NELL2: variants seen among roughly 807,000 people sequenced by gnomAD.
NELL2 encodes the protein protein kinase C-binding protein NELL2.
Under a neutral mutation model 109.6 loss-of-function variants are expected in NELL2, and 41 were observed. The ratio of observed to expected loss-of-function variants is 0.37; its 90% CI spans 0.29 to 0.49. NELL2 has a LOEUF of 0.49. NELL2 is among the 20% of genes least tolerant of loss of function. NELL2 has a pLI of 0.98. For missense variants in NELL2, 900 were observed against 1,008.3 expected (o/e 0.89, Z 1.45); for synonymous variants, 355 against 344.7 (o/e 1.03, Z -0.33).
chr12:44,655,720 T>G (rs1350821922), intron 13 of NELL2, among the ~76,000 whole-genome samples: 1 of 152,212 alleles, frequency 6.6e-6, no homozygotes, highest in African/African-American at 2.4e-5. Flanking sequence ...TTTTCATCAT[T>G]AATTCTTTGA....
At chr12:44,904,061 T>A (rs913883855) in intron 1 of NELL2, among the ~76,000 whole-genome samples, 8 of 151,716 alleles carry the variant, frequency 5.3e-5, no homozygotes, top group Non-Finnish European at 8.8e-5. Context: ...AAATTAAATT[T>A]TAAAAAAACT....
chr12:44,644,071 A>G (rs1946961037), intron 13 of NELL2, among the ~76,000 whole-genome samples: 1 of 152,150 alleles, frequency 6.6e-6, no homozygotes, highest in African/African-American at 2.4e-5. Context: ...TACAGTTACT[A>G]CTGTTACAAA....
chr12:44,890,471 C>A lies in NELL2; in HGVS notation c.39-14571G>T, dbSNP rs368009671. Among the ~76,000 whole-genome samples, 31 of 152,294 alleles carry A rather than the reference C, an allele frequency of 2.0e-4. 1 individual carries two copies. In the East Asian group the frequency reaches 6.0e-3, roughly 29 times the overall value. On this transcript the variant is annotated intron_variant, in intron 1 of 20. Transcript: ENST00000333837. Reference sequence around the variant, plus strand: ...TTCAGAGTAGCTCTTAAGCCTTGTTCTCCAACTTTATTCATTTATTCAAGA... The same window carrying A: ...TTCAGAGTAGCTCTTAAGCCTTGTTATCCAACTTTATTCATTTATTCAAGA...
At chr12:44,912,796 T>C (rs1182235448) in intron 1 of NELL2, among the ~76,000 whole-genome samples, 1 of 152,210 alleles carries the variant, frequency 6.6e-6, no homozygotes, top group Non-Finnish European at 1.5e-5. Context: ...GAACTTGGAT[T>C]CTGACTATAC....
At chr12:44,668,916 C>T (rs2136346147) in intron 12 of NELL2, among the ~76,000 whole-genome samples, 1 of 152,234 alleles carries the variant, frequency 6.6e-6, no homozygotes. Flanking sequence ...AACCTGAGCA[C>T]ACCACCCAGA....
chr12:44,739,198 T>C (rs1461564417), intron 9 of NELL2, among the ~76,000 whole-genome samples: 3 of 152,166 alleles, frequency 2.0e-5, no homozygotes, highest in Admixed American at 6.5e-5. Flanking sequence ...CTTACCATAA[T>C]TTGCAATAAT....
At chr12:44,575,178 G>A (rs1200504671) in intron 15 of NELL2, among the ~76,000 whole-genome samples, 1 of 152,176 alleles carries the variant, frequency 6.6e-6, no homozygotes, top group African/African-American at 2.4e-5. Flanking sequence ...GCAAATACTT[G>A]TTTAATAAAT....
chr12:44,920,026 T>C (rs895971234), intron 1 of NELL2, among the ~76,000 whole-genome samples: 1 of 152,182 alleles, frequency 6.6e-6, no homozygotes, highest in Non-Finnish European at 1.5e-5. Context: ...ATAAAGTCTT[T>C]AAGCACGAAT....
intron 2 of NELL2, among the ~76,000 whole-genome samples, chr12:44,838,902 A>C (rs1944135305): frequency 6.6e-6 from 1 of 152,224 alleles, no homozygotes; most frequent in South Asian, 2.1e-4. Context: ...ACTGTAAGTG[A>C]GTTCATCAGC....
chr12:44,709,791 C>T (rs1267151814), intron 11 of NELL2, among the ~76,000 whole-genome samples: 1 of 152,144 alleles, frequency 6.6e-6, no homozygotes, highest in African/African-American at 2.4e-5. Flanking sequence ...TTAAGAAACA[C>T]TGATATGGCC....
At chr12:44,609,349 G>A (rs1460339619) in intron 14 of NELL2, among the ~76,000 whole-genome samples, 1 of 152,092 alleles carries the variant, frequency 6.6e-6, no homozygotes, top group East Asian at 1.9e-4. Context: ...GTTGTAGACA[G>A]TGTGGACACA....
intron 9 of NELL2, among the ~76,000 whole-genome samples, chr12:44,745,631 A>G (rs1040627546): frequency 6.6e-6 from 1 of 152,078 alleles, no homozygotes; most frequent in South Asian, 2.1e-4. Context: ...ATGTACAAAA[A>G]TCACAAGCAT....
rs117431463 is a variant in NELL2, at chr12:44,587,877, C to T, written c.1663+19292G>A. Among the ~76,000 whole-genome samples, 500 of 152,056 alleles carry T rather than the reference C, an allele frequency of 3.3e-3. 3 individuals are homozygous for T. Among genetic ancestry groups the T allele is most frequent in the Non-Finnish European group, 5.8e-3 (397 of 67,970 alleles). On this transcript the variant is annotated intron_variant, in intron 15 of 19. Coordinates refer to ENST00000429094, the MANE Select transcript of NELL2 (RefSeq NM_001145108.2). ...GTTATAAAAGTTGGTTTCGGTTGGGCGCAGTGGCTCACACCTGTAATCCCA... is the reference window on the plus strand; with the variant it reads ...GTTATAAAAGTTGGTTTCGGTTGGGTGCAGTGGCTCACACCTGTAATCCCA...
rs138201147 is a variant in NELL2, at chr12:44,779,994, G to T, written c.364C>A (p.Arg122=). ...RYLELESSGH[R]NEVRLHYRSG... is the part of the protein sequence containing the mutation. Reference sequence around the variant, plus strand: ...CGGTAATGCAGTCTGACTTCATTCCGATGGCCACTACTTTCCAGTTCCAGG... The same window carrying T: ...CGGTAATGCAGTCTGACTTCATTCCTATGGCCACTACTTTCCAGTTCCAGG... The change falls in exon 4 of 20, where the codon CGG becomes AGG. Residue 122 remains arginine, a synonymous_variant. Transcript: ENST00000429094. 6.4e-5 allele frequency: 104 copies of T among 1,613,564 alleles called. No individual in the cohort carries two copies. Among genetic ancestry groups the T allele is most frequent in the Non-Finnish European group, 8.5e-5 (100 of 1,179,702 alleles).
chr12:44,910,344 G>A (rs114262524), intron 1 of NELL2, among the ~76,000 whole-genome samples: 3,626 of 151,896 alleles, frequency 0.024, 161 homozygotes, highest in African/African-American at 0.082. Flanking sequence ...CATACATGTG[G>A]CCAACAAACA....
intron 9 of NELL2, among the ~76,000 whole-genome samples, chr12:44,758,593 A>T (rs1940991573): frequency 6.6e-6 from 1 of 152,202 alleles, no homozygotes; most frequent in African/African-American, 2.4e-5. Flanking sequence ...TGCAACATGT[A>T]TTGGGCATCT....
At chr12:44,836,154 T>C (rs1944047647) in intron 2 of NELL2, among the ~76,000 whole-genome samples, 1 of 152,192 alleles carries the variant, frequency 6.6e-6, no homozygotes, top group Non-Finnish European at 1.5e-5. Context: ...GCAGAAGAAC[T>C]GGGCCAACAG....
rs1420472325 is a variant in NELL2, at chr12:44,775,011, G to A, written c.892-162C>T. Among the ~76,000 whole-genome samples the A allele has an allele frequency of 3.9e-5, 6 of 152,152 alleles. No individual in the cohort carries two copies. The South Asian group carries it at 6.2e-4, about 16-fold the overall frequency. ...CGGTGCTGACAATCACCACAAGGAG[G>A]CGCCAAACTGGAGACAGGACCACCG... On this transcript the variant is annotated intron_variant, in intron 8 of 19. Transcript: ENST00000429094.
intron 15 of NELL2, among the ~76,000 whole-genome samples, chr12:44,585,563 T>G (rs1944463828): frequency 1.3e-5 from 2 of 152,070 alleles, no homozygotes; most frequent in Admixed American, 6.6e-5. Flanking sequence ...CATACACAAA[T>G]AGAACGCTAT....
Sources: gnomAD v4.1 joint callset for allele counts (sites outside exome capture counted in the v4.1 genomes callset) on GRCh38, gnomAD v4.1.1 for gene constraint, MANE v1.5 for transcripts, NCBI Gene and HGNC (gene_info 2026-07-23, HGNC 2026-07-21) for gene names.